The following ADAMTS15 variants were observed in gnomAD, a reference collection of about 807,000 sequenced individuals.
ADAMTS15 encodes the protein A disintegrin and metalloproteinase with thrombospondin motifs 15.
A neutral mutation model predicts 79.1 loss-of-function variants in ADAMTS15; 35 were observed. The ratio of observed to expected loss-of-function variants is 0.44; its 90% CI spans 0.34 to 0.59. ADAMTS15 has a LOEUF of 0.59. Among genes scored for constraint, ADAMTS15 ranks in the 20% least tolerant of loss-of-function variants. The probability of loss-of-function intolerance (pLI) is 0.02; values close to 1 mark genes in which losing one functional copy is unlikely to be tolerated. For synonymous variants in ADAMTS15, 616 were observed against 567.3 expected, an observed-to-expected ratio of 1.09 and a Z score of -1.22; for missense variants, 1,324 against 1,318.7, an observed-to-expected ratio of 1.00 and a Z score of -0.06.
intron 1 of ADAMTS15, among the ~76,000 whole-genome samples, chr11:130,454,535 G>GA: frequency 6.6e-6 from 1 of 152,224 alleles, no homozygotes; most frequent in East Asian, 1.9e-4. Flanking sequence ...CTATACAATA[G>GA]AAAAAGATCA....
intron 4 of ADAMTS15, among the ~76,000 whole-genome samples, chr11:130,468,199 C>T (rs1042865607): frequency 2.0e-5 from 3 of 152,206 alleles, no homozygotes; most frequent in Admixed American, 2.0e-4. Context: ...TGTTACGCCA[C>T]TTCTGTCATC....
At chr11:130,450,132 A>G in intron 1 of ADAMTS15, 3 of 985,442 alleles carry the variant, frequency 3.0e-6, no homozygotes, top group Non-Finnish European at 3.6e-6. Flanking sequence ...CATCTGGGCC[A>G]TTGGAGGAGA....
Position 130,470,212 on chromosome 11 carries a change from A to ATATATATATACATG in ADAMTS15, c.1721-698_1721-697insCATGTATATATATA, listed in dbSNP as rs1938422792. Among the ~76,000 whole-genome samples the ATATATATATACATG allele has an allele frequency of 3.1e-4, 16 of 52,276 alleles. 1 individual carries two copies. The highest frequency in any genetic ancestry group is 1.2e-3 in the African/African-American group (11 of 8,854). 34.3% of individuals were successfully genotyped at this position (52,276 alleles called of 152,430 possible). Reference sequence around the variant, plus strand: ...TATATATATATATATATATATATGTATATATATATATATTTTCTGAGGTAG... The same window carrying ATATATATATACATG: ...TATATATATATATATATATATATGTATATATATATACATGTATATATATATATTTTCTGAGGTAG... On this transcript the variant is annotated intron_variant, in intron 5 of 7. Coordinates refer to ENST00000299164, the MANE Select transcript of ADAMTS15 (RefSeq NM_139055.4).
chr11:130,470,129 TATAC>T lies in ADAMTS15; in HGVS notation c.1720+694_1720+697del, dbSNP rs1428883610. ...GGTTCATTACTGAATCATATATATA[TATAC>T]ATATATATATATATATATGTGTATA... On this transcript the variant is annotated intron_variant, in intron 5 of 7. Transcript: ENST00000299164. Among the ~76,000 whole-genome samples the T allele has an allele frequency of 2.5e-3, 218 of 87,614 alleles. 5 individuals carry two copies. The highest frequency in any genetic ancestry group is 8.5e-3 in the East Asian group (31 of 3,666). 57.5% of individuals were successfully genotyped at this position (87,614 alleles called of 152,430 possible).
Position 130,448,746 on chromosome 11 carries a change from T to C in ADAMTS15, c.-228T>C, listed in dbSNP as rs981831589. ...CACTTGACAGCGATTGTACTTAAGC[T>C]CCCAGGGCGCGCTTTGCTTGGAAAG... On this transcript the variant is annotated 5_prime_UTR_variant, in exon 1 of 8. Transcript: ENST00000299164. 9.2e-5 allele frequency among the ~76,000 whole-genome samples: 14 copies of C among 152,168 alleles called. No individual in the cohort carries two copies. The highest frequency in any genetic ancestry group is 1.9e-4 in the Non-Finnish European group (13 of 68,018).
At position 130,467,992 on chromosome 11, in the gene ADAMTS15, A is replaced by G. The variant is rs141762503; in HGVS notation, c.1543-1270A>G. Among the ~76,000 whole-genome samples, 101 of 152,378 alleles carry G rather than the reference A, an allele frequency of 6.6e-4. 2 individuals carry two copies. In the East Asian group the frequency reaches 0.017, roughly 26 times the overall value. On this transcript the variant is annotated intron_variant, in intron 4 of 7. Coordinates refer to ENST00000299164, the MANE Select transcript of ADAMTS15 (RefSeq NM_139055.4). ...TCTGAATTATAGAACACTAAGGAAG[A>G]AAAACATTCACGTCTATGGTGACAT...
At chr11:130,461,312 T>G (rs1335273064) in intron 1 of ADAMTS15, among the ~76,000 whole-genome samples, 177 bp from the exon 2 acceptor site, 1 of 152,146 alleles carries the variant, frequency 6.6e-6, no homozygotes, top group Non-Finnish European at 1.5e-5. Context: ...CCAGGTTGAT[T>G]CTGTGAACAG....
chr11:130,465,555 C>T (rs1439272630), intron 4 of ADAMTS15, among the ~76,000 whole-genome samples: 3 of 152,240 alleles, frequency 2.0e-5, no homozygotes, highest in Non-Finnish European at 4.4e-5. Flanking sequence ...GTTGTACAAG[C>T]TTGCTGTCTC....
rs535927645 is a variant in ADAMTS15, at chr11:130,476,493, G to A, written c.*2672G>A. ...ACTCATTGGTAGACCCTCCCTCCCC[G>A]CCGTTGTGTTTGGTTCTTTTGCACT... On this transcript the variant is annotated 3_prime_UTR_variant, in exon 8 of 8. Transcript: ENST00000299164. The A allele has an allele frequency of 1.9e-4, 29 of 152,516 alleles. No individual in the cohort carries two copies. Among genetic ancestry groups the A allele is most frequent in the Non-Finnish European group, 3.7e-4 (25 of 68,284 alleles). The allele number at this position is 152,516 out of a possible 1,614,324, so 9.4% of individuals were successfully genotyped here. A position where few individuals can be genotyped will look rare whatever the true frequency, so the allele number is the denominator to read the frequency against.
At position 130,462,809 on chromosome 11, in the gene ADAMTS15, G is replaced by A; in HGVS notation, c.1542+29G>A. On this transcript the variant is annotated intron_variant, in intron 4 of 7. Coordinates refer to ENST00000299164, the MANE Select transcript of ADAMTS15 (RefSeq NM_139055.4). The surrounding 1 kb of genome is among the most constrained non-coding windows in gnomAD (Gnocchi z 4.3). ...AGTGAGTGCTGGAGCTGCGCTCGGGGACTGCTGGGAGGAGGGATGGAGACC... is the reference window on the plus strand; with the variant it reads ...AGTGAGTGCTGGAGCTGCGCTCGGGAACTGCTGGGAGGAGGGATGGAGACC... 1 of 1,555,904 alleles carries A rather than the reference G, an allele frequency of 6.4e-7. No individual in the cohort carries two copies. The highest frequency in any genetic ancestry group is 1.8e-5 in the Admixed American group (1 of 56,746).
chr11:130,450,461 A>G, intron 1 of ADAMTS15: 1 of 984,136 alleles, frequency 1.0e-6, no homozygotes, highest in Non-Finnish European at 1.2e-6. Context: ...GAAAGCCTGG[A>G]TTGGGGTGGA....
chr11:130,470,662 A>G (rs1400054675), intron 5 of ADAMTS15, among the ~76,000 whole-genome samples: 1 of 152,194 alleles, frequency 6.6e-6, no homozygotes, highest in Non-Finnish European at 1.5e-5. Flanking sequence ...TATTCTGAAA[A>G]TAGTTTGCAA....
chr11:130,473,645 C>A lies in ADAMTS15; in HGVS notation c.2677C>A (p.Pro893Thr). 1 of 1,607,502 alleles carries A rather than the reference C, an allele frequency of 6.2e-7. No homozygotes were observed. Among genetic ancestry groups the A allele is most frequent in the South Asian group, 1.1e-5 (1 of 91,078 alleles). Residue 893 changes from proline to threonine, a missense_variant, in exon 8 of 8, where the codon CCC (proline) becomes ACC (threonine). By Grantham distance (38) the Pro-to-Thr change is conservative. Transcript: ENST00000299164. ...RPVETQACGE[P>T]CPTWELSAWS... ...CGTGGAGACACAAGCCTGCGGGGAG[C>A]CCTGCCCCACCTGGGAGCTCAGCGC... is the stretch of plus-strand genomic sequence containing the variant.
At chr11:130,470,172 A>ATATATG (rs1938411539) in intron 5 of ADAMTS15, among the ~76,000 whole-genome samples, 6 of 58,444 alleles carry the variant, frequency 1.0e-4, no homozygotes, top group South Asian at 4.6e-4. Context: ...ATATATATAT[A>ATATATG]TATATATATG....
chr11:130,474,082 G>A lies in ADAMTS15; in HGVS notation c.*261G>A. On this transcript the variant is annotated 3_prime_UTR_variant, in exon 8 of 8. Transcript: ENST00000299164. ...GCGGGGAGAGGCTTTGAGGTGCAGG[G>A]CAGAAGGTGCTGAGGCCCAGTTTCC... 2.3e-6 allele frequency: 1 copy of A among 437,768 alleles called. No homozygotes were observed. Among genetic ancestry groups the A allele is most frequent in the Non-Finnish European group, 4.0e-6 (1 of 250,620 alleles). 27.1% of individuals were successfully genotyped at this position (437,768 alleles called of 1,614,324 possible). A position where few individuals can be genotyped will look rare whatever the true frequency, so the allele number is the denominator to read the frequency against.
chr11:130,455,178 T>G lies in ADAMTS15; in HGVS notation c.957+5248T>G, dbSNP rs541422436. 5.9e-5 allele frequency among the ~76,000 whole-genome samples: 9 copies of G among 152,266 alleles called. No homozygotes were observed. In the East Asian group the frequency reaches 1.5e-3, roughly 26 times the overall value. On this transcript the variant is annotated intron_variant, in intron 1 of 7. Coordinates refer to ENST00000299164, the MANE Select transcript of ADAMTS15 (RefSeq NM_139055.4). Reference sequence around the variant, plus strand: ...CTTACGGGGCTGTTGCACAGATAAGTGTTACTGAGTGGTCCAGAATAGGCC... The same window carrying G: ...CTTACGGGGCTGTTGCACAGATAAGGGTTACTGAGTGGTCCAGAATAGGCC...
Position 130,473,494 on chromosome 11 carries a change from C to A in ADAMTS15, c.2526C>A (p.Arg842=). 1 of 1,610,612 alleles carries A rather than the reference C, an allele frequency of 6.2e-7. No homozygotes were observed. Among genetic ancestry groups the A allele is most frequent in the Non-Finnish European group, 8.5e-7 (1 of 1,178,406 alleles). ...AGCCGGACGACAGGCCCCCTGCACG[C>A]TGGGTGGCTGGCAGCTGGGGGCCGT... ...VEQPDDRPPA[R]WVAGSWGPCS... is the part of the protein sequence containing the mutation. Residue 842 remains arginine, a synonymous_variant, in exon 8 of 8, where the codon CGC becomes CGA. Transcript: ENST00000299164.
chr11:130,449,803 C>A lies in ADAMTS15; in HGVS notation c.830C>A (p.Ser277Tyr), dbSNP rs1167013883. The part of the protein sequence containing the change: ...VKVLLLRDRD[S>Y]GPKVTGNAAL... Reference sequence around the variant, plus strand: ...GTGCTGCTTCTTAGAGATCGTGACTCCGGGCCCAAGGTCACCGGCAATGCG... The same window carrying A: ...GTGCTGCTTCTTAGAGATCGTGACTACGGGCCCAAGGTCACCGGCAATGCG... Residue 277 changes from serine to tyrosine, a missense_variant, in exon 1 of 8, where the codon TCC becomes TAC. Transcript: ENST00000299164. This position sits in a 1 kb window ranked among gnomAD's most constrained non-coding sequence, Gnocchi z 7.8. 1.2e-6 allele frequency: 2 copies of A among 1,611,564 alleles called. No individual in the cohort carries two copies. The highest frequency in any genetic ancestry group is 2.7e-5 in the African/African-American group (2 of 74,950).
At chr11:130,454,510 G>A (rs929500116) in intron 1 of ADAMTS15, among the ~76,000 whole-genome samples, 5 of 152,234 alleles carry the variant, frequency 3.3e-5, no homozygotes, top group African/African-American at 9.6e-5. Flanking sequence ...TAATACGTAT[G>A]TTACACATAT....
Sources: allele counts gnomAD v4.1 joint callset (sites outside exome capture counted in the v4.1 genomes callset), GRCh38; gene constraint gnomAD v4.1.1; non-coding constraint Gnocchi (gnomAD v3.1); transcripts MANE v1.5; gene names NCBI Gene and HGNC (gene_info 2026-07-23, HGNC 2026-07-21).